Variants in CASK observed in about 807,000 individuals in gnomAD.
The protein encoded by CASK is calcium/calmodulin dependent serine protein kinase, also known as peripheral plasma membrane protein CASK.
Under a neutral mutation model 82.9 loss-of-function variants are expected in CASK, and 4 were observed. The ratio of observed to expected loss-of-function variants is 0.05; its 90% CI spans 0.02 to 0.11. The LOEUF (loss-of-function observed/expected upper bound fraction) is 0.11, where lower values mean the gene tolerates loss of function less well. CASK is among the 10% of genes least tolerant of loss of function. CASK has a pLI of 1.00. For missense variants in CASK, 358 were observed against 720.9 expected, an observed-to-expected ratio of 0.50 and a Z score of 5.76; for synonymous variants, 259 against 253.5, an observed-to-expected ratio of 1.02 and a Z score of -0.20.
At chrX:41,564,445 G>A (rs899398686) in intron 16 of CASK, among the ~76,000 whole-genome samples, 1 of 111,189 alleles carries the variant, frequency 9.0e-6, no homozygotes, top group African/African-American at 3.3e-5. Flanking sequence ...CTACAGCCTC[G>A]AACTCCTGGG....
chrX:41,569,842 C>A, intron 15 of CASK, 96 bp from the exon 16 acceptor site: 5 of 533,230 alleles, frequency 9.4e-6, no homozygotes, highest in Non-Finnish European at 1.5e-5. Flanking sequence ...ATTTTAATTA[C>A]CAGTTAAAAA....
chrX:41,595,837 A>G (rs1461476914), intron 12 of CASK, among the ~76,000 whole-genome samples: 1 of 111,275 alleles, frequency 9.0e-6, no homozygotes, highest in Non-Finnish European at 1.9e-5. Context: ...CCAGGGAGAT[A>G]TCTTTGGCAA....
intron 1 of CASK, 90 bp from the exon 2 acceptor site, chrX:41,853,317 TA>T: frequency 1.9e-6 from 1 of 537,866 alleles, no homozygotes; most frequent in Non-Finnish European, 3.1e-6. Context: ...CTATATAATA[TA>T]GATAATGTTT....
At chrX:41,794,005 T>C (rs2069788839) in intron 2 of CASK, among the ~76,000 whole-genome samples, 1 of 111,963 alleles carries the variant, frequency 8.9e-6, no homozygotes, top group African/African-American at 3.2e-5. Context: ...TAGTGAAGAG[T>C]AGAGGCCTAG....
chrX:41,727,941 C>T, intron 5 of CASK: 1 of 1,176,875 alleles, frequency 8.5e-7, no homozygotes, highest in South Asian at 1.8e-5. Flanking sequence ...GTAGCACAGA[C>T]CCCATTATAT....
At chrX:41,523,881 C>A in intron 26 of CASK, 70 bp downstream of exon 26, 1 of 788,163 alleles carries the variant, frequency 1.3e-6, no homozygotes, top group East Asian at 3.3e-5. Context: ...GACTGACACG[C>A]TTCTGACTGT....
At chrX:41,795,373 G>A (rs2069830927) in intron 2 of CASK, among the ~76,000 whole-genome samples, 1 of 112,298 alleles carries the variant, frequency 8.9e-6, no homozygotes, top group Non-Finnish European at 1.9e-5. Flanking sequence ...CTTAAAAACT[G>A]ACTTAGAGAC....
intron 3 of CASK, among the ~76,000 whole-genome samples, chrX:41,780,579 GTC>G (rs1315720719): frequency 4.5e-5 from 5 of 111,857 alleles, no homozygotes; most frequent in Admixed American, 9.5e-5. Context: ...GGTTTTGTGA[GTC>G]TCTGTTTTTA....
intron 2 of CASK, among the ~76,000 whole-genome samples, chrX:41,812,283 CA>C (rs994143639): frequency 1.8e-5 from 2 of 110,216 alleles, no homozygotes; most frequent in Admixed American, 9.6e-5. Flanking sequence ...AGAGGCACAA[CA>C]AAAAAAAGGG....
intron 9 of CASK, among the ~76,000 whole-genome samples, chrX:41,630,721 A>G (rs2066451662): frequency 8.9e-6 from 1 of 111,851 alleles, no homozygotes; most frequent in Admixed American, 9.6e-5. Context: ...ACATACCAAT[A>G]GGAGTGTGAC....
At chrX:41,730,796 G>A (rs985822083) in intron 5 of CASK, among the ~76,000 whole-genome samples, 1 of 111,265 alleles carries the variant, frequency 9.0e-6, no homozygotes, top group Non-Finnish European at 1.9e-5. Flanking sequence ...CCACCCCCCC[G>A]GGGTCAAGTG....
chrX:41,667,926 G>A (rs1244534446), intron 6 of CASK, among the ~76,000 whole-genome samples: 1 of 111,534 alleles, frequency 9.0e-6, no homozygotes, highest in African/African-American at 3.3e-5. Context: ...AGGCTGTTGC[G>A]CTTTCCAAGT....
intron 15 of CASK, among the ~76,000 whole-genome samples, chrX:41,575,728 C>T (rs1053921327): frequency 9.0e-5 from 10 of 111,085 alleles, no homozygotes; most frequent in African/African-American, 1.3e-4. Context: ...GTATTAAATG[C>T]ATTAGAGATT....
intron 4 of CASK, among the ~76,000 whole-genome samples, chrX:41,745,055 T>C (rs1004283650): frequency 2.7e-5 from 3 of 112,126 alleles, no homozygotes; most frequent in African/African-American, 9.7e-5. Flanking sequence ...TTCGCTCTTG[T>C]TGCCCAAGCT....
chrX:41,882,849 G>A (rs888328851), intron 1 of CASK, among the ~76,000 whole-genome samples: 1 of 111,456 alleles, frequency 9.0e-6, no homozygotes, highest in African/African-American at 3.3e-5. Flanking sequence ...TATTTCTTCC[G>A]TCATACTTTT....
chrX:41,912,550 C>T (rs1390911370), intron 1 of CASK, among the ~76,000 whole-genome samples: 2 of 108,017 alleles, frequency 1.9e-5, no homozygotes, highest in African/African-American at 6.7e-5. Context: ...TCAAGTGAGC[C>T]ACCCACCTCA....
At chrX:41,838,983 G>A (rs764042189) in intron 2 of CASK, among the ~76,000 whole-genome samples, 1 of 111,008 alleles carries the variant, frequency 9.0e-6, no homozygotes, top group Non-Finnish European at 1.9e-5. Context: ...GTACTTATGG[G>A]TAATCTAATC....
At chrX:41,775,189 A>G (rs1330398087) in intron 3 of CASK, among the ~76,000 whole-genome samples, 2 of 109,205 alleles carry the variant, frequency 1.8e-5, no homozygotes, top group Non-Finnish European at 3.8e-5. Flanking sequence ...AATTTACAAG[A>G]AAAAAACAAA....
Position 41,626,688 on chromosome X carries a change from C to T in CASK, c.931G>A (p.Ala311Thr). 1 of 1,177,602 alleles carries T rather than the reference C, an allele frequency of 8.5e-7. No homozygotes were observed. Among genetic ancestry groups the T allele is most frequent in the Non-Finnish European group, 1.2e-6 (1 of 864,649 alleles). ...GAGTTGAATTTGTGACTTGACACAG[C>T]GGCTAGTACTGCACCCTAAAACAAA... Reference protein sequence around the residue: ...RRKLKGAVLAAVSSHKFNSFY... With the variant: ...RRKLKGAVLATVSSHKFNSFY... Residue 311 changes from alanine (A) to threonine (T), a missense_variant, in exon 10 of 27, where the codon GCT (alanine) becomes ACT (threonine). This residue lies in a region of CASK where 110 missense variants were observed against 218.8 expected (regional missense o/e 0.50). Coordinates refer to ENST00000378163, the MANE Select transcript of CASK (RefSeq NM_001367721.1).
Sources: allele counts gnomAD v4.1 joint callset (sites outside exome capture counted in the v4.1 genomes callset), GRCh38; gene constraint gnomAD v4.1.1; regional missense constraint gnomAD v4.1.1; transcripts MANE v1.5; gene names NCBI Gene and HGNC (gene_info 2026-07-23, HGNC 2026-07-21).